The following NSD1 variants were observed in gnomAD, a reference collection of about 807,000 sequenced individuals.
The protein encoded by NSD1 is nuclear receptor binding SET domain protein 1.
NSD1 carries 26 observed loss-of-function variants against 242.7 expected under a neutral mutation model. The ratio of observed to expected loss-of-function variants is 0.11; its 90% CI spans 0.08 to 0.15. NSD1 has a LOEUF of 0.15. Among genes scored for constraint, NSD1 ranks in the 10% least tolerant of loss-of-function variants. NSD1 has a pLI of 1.00. For synonymous variants in NSD1, 1,106 were observed against 1,178.1 expected, an observed-to-expected ratio of 0.94 and a Z score of 1.25; for missense variants, 2,495 against 3,272.8, an observed-to-expected ratio of 0.76 and a Z score of 5.80.
intron 2 of NSD1, among the ~76,000 whole-genome samples, chr5:177,170,743 G>T (rs1562149515): frequency 1.3e-5 from 2 of 152,126 alleles, no homozygotes; most frequent in African/African-American, 4.8e-5. Context: ...TGTATTCACA[G>T]TGTTATATAA....
intron 5 of NSD1, among the ~76,000 whole-genome samples, chr5:177,220,563 CT>C (rs869220346): frequency 0.037 from 3,156 of 84,338 alleles, 13 homozygotes; most frequent in African/African-American, 0.086. Flanking sequence ...ATAGTAATTG[CT>C]TTTTTTTTTT....
At chr5:177,256,824 A>G (rs1049084455) in intron 12 of NSD1, 127 bp from the exon 13 acceptor site, 7 of 746,988 alleles carry the variant, frequency 9.4e-6, no homozygotes, top group Non-Finnish European at 1.4e-5. Flanking sequence ...TAAGATTGTT[A>G]CAGTGGGTTC....
At chr5:177,207,406 C>T (rs1762964275) in intron 4 of NSD1, among the ~76,000 whole-genome samples, 2 of 151,424 alleles carry the variant, frequency 1.3e-5, no homozygotes, top group African/African-American at 4.9e-5. Flanking sequence ...CCTCAGCCTC[C>T]CGAGTAGCTG....
Position 177,242,276 on chromosome 5 carries a change from A to G in NSD1, c.4303-1919A>G, listed in dbSNP as rs185420091. On this transcript the variant is annotated intron_variant, in intron 8 of 22. Coordinates refer to ENST00000439151, the MANE Select transcript of NSD1 (RefSeq NM_022455.5). Reference sequence around the variant, plus strand: ...CTAAATAAAATGATTGCTATTTTAAAAAAAATTACAGAAATGTATTTTGTG... The same window carrying G: ...CTAAATAAAATGATTGCTATTTTAAGAAAAATTACAGAAATGTATTTTGTG... Among the ~76,000 whole-genome samples, 297 of 152,250 alleles carry G rather than the reference A, an allele frequency of 2.0e-3. 1 individual carries two copies. The highest frequency in any genetic ancestry group is 7.0e-3 in the African/African-American group (293 of 41,566).
At chr5:177,261,137 C>T (rs1025805318) in intron 14 of NSD1, among the ~76,000 whole-genome samples, 40 of 152,110 alleles carry the variant, frequency 2.6e-4, no homozygotes, top group African/African-American at 9.4e-4. Context: ...CCTCTGCTGC[C>T]ACGCCACTCC....
intron 2 of NSD1, among the ~76,000 whole-genome samples, chr5:177,174,198 T>C (rs9313750): frequency 0.36 from 54,678 of 151,812 alleles, 13,141 homozygotes; most frequent in African/African-American, 0.68. Flanking sequence ...AACCCCGTCT[T>C]TATTAAAAAT....
At chr5:177,140,682 TAAA>T (rs927892072) in intron 2 of NSD1, among the ~76,000 whole-genome samples, 5 of 149,270 alleles carry the variant, frequency 3.3e-5, no homozygotes, top group African/African-American at 7.3e-5. Context: ...TTCTGTCTCT[TAAA>T]AAAAAAATGA....
At chr5:177,213,524 G>A (rs1237747760) in intron 5 of NSD1, among the ~76,000 whole-genome samples, 1 of 151,928 alleles carries the variant, frequency 6.6e-6, no homozygotes, top group African/African-American at 2.4e-5. Context: ...CTGGAGTGCC[G>A]TGGCGTGATC....
Position 177,212,203 on chromosome 5 carries a change from C to T in NSD1, c.3796+8C>T, listed in dbSNP as rs1479331415. The T allele has an allele frequency of 5.0e-6, 8 of 1,607,586 alleles. No individual in the cohort carries two copies. Among genetic ancestry groups the T allele is most frequent in the Middle Eastern group, 1.7e-4 (1 of 6,054 alleles). On this transcript the variant is annotated splice_region_variant and intron_variant, in intron 5 of 22. Transcript: ENST00000439151. ...CTGAGCTCCCTGAACCAGGTAAGGA[C>T]ATCTAAATGTGATAAAAAAAAAAAA...
intron 2 of NSD1, among the ~76,000 whole-genome samples, chr5:177,156,189 T>C (rs558356031): frequency 7.1e-6 from 1 of 141,452 alleles, no homozygotes; most frequent in East Asian, 2.1e-4. Context: ...TTTTTTTTTT[T>C]TTTTTTTTTT....
In NSD1 at chr5:177,280,693, C is replaced by G. The variant is rs374005927; in HGVS notation, c.5751C>G (p.Leu1917=). ...IDSECINRML[L]YECHPTVCPA... ...CTGAATGCATCAACCGCATGCTGCT[C>G]TATGAGTGCCACCCCACAGTGTGTC... The change falls in exon 18 of 23, where the codon CTC becomes CTG. Residue 1917 remains leucine, a synonymous_variant. Transcript: ENST00000439151. The G allele has an allele frequency of 3.5e-5, 56 of 1,614,114 alleles. No individual in the cohort carries two copies. The highest frequency in any genetic ancestry group is 4.7e-5 in the Non-Finnish European group (55 of 1,180,048).
chr5:177,261,298 TC>T (rs1380631167), intron 14 of NSD1, among the ~76,000 whole-genome samples: 1 of 146,704 alleles, frequency 6.8e-6, no homozygotes, highest in African/African-American at 2.5e-5. Flanking sequence ...CAGGCTGGTC[TC>T]TTAACTTCTG....
chr5:177,264,524 C>G (rs1053311023), intron 14 of NSD1, among the ~76,000 whole-genome samples: 8 of 152,152 alleles, frequency 5.3e-5, no homozygotes, highest in Non-Finnish European at 1.0e-4. Flanking sequence ...AATTGTTCTT[C>G]AGACTTGTTT....
chr5:177,249,447 T>TATTA (rs201808373), intron 11 of NSD1, among the ~76,000 whole-genome samples: 23 of 150,966 alleles, frequency 1.5e-4, no homozygotes, highest in Admixed American at 2.6e-4. Flanking sequence ...TTTTCTTTTT[T>TATTA]ATTAATTAAT....
At chr5:177,191,850 T>TTGA in intron 2 of NSD1, 34 bp from the exon 3 acceptor site, 2 of 1,610,354 alleles carry the variant, frequency 1.2e-6, no homozygotes, top group Middle Eastern at 1.7e-4. Flanking sequence ...ATATTTTGAT[T>TTGA]CTTATTGATG....
At position 177,210,587 on chromosome 5, in the gene NSD1, C is replaced by T. The variant is rs757144839; in HGVS notation, c.2188C>T (p.Leu730Phe). Residue 730 changes from leucine (L) to phenylalanine (F), a missense_variant, in exon 5 of 23, where the codon CTC becomes TTC. Transcript: ENST00000439151. ...TGGAACCGAGACGTCTCAGGTTAATCTCTCTGATCTGAAGGCATCTACTCT... is the reference window on the plus strand; with the variant it reads ...TGGAACCGAGACGTCTCAGGTTAATTTCTCTGATCTGAAGGCATCTACTCT... ...EPGTETSQVN[L>F]SDLKASTLVH... 46 of 1,613,986 alleles carry T rather than the reference C, an allele frequency of 2.9e-5. No homozygotes were observed. Among genetic ancestry groups the T allele is most frequent in the Non-Finnish European group, 1.9e-5 (22 of 1,180,026 alleles).
At chr5:177,165,605 C>T (rs1759121174) in intron 2 of NSD1, among the ~76,000 whole-genome samples, 1 of 151,374 alleles carries the variant, frequency 6.6e-6, no homozygotes, top group Admixed American at 6.6e-5. Flanking sequence ...TTTTCTTTCT[C>T]TTTTTGAGAC....
intron 2 of NSD1, among the ~76,000 whole-genome samples, chr5:177,145,281 ATTTT>A (rs371901937): frequency 2.2e-5 from 3 of 138,452 alleles, no homozygotes; most frequent in Non-Finnish European, 1.6e-5. Context: ...ATGTAACAAG[ATTTT>A]TTTTTTTTTT....
chr5:177,176,190 G>A (rs1017374588), intron 2 of NSD1, among the ~76,000 whole-genome samples: 1 of 152,016 alleles, frequency 6.6e-6, no homozygotes, highest in Non-Finnish European at 1.5e-5. Context: ...TGCAAAAATC[G>A]TAACATTTCA....
Sources: allele counts gnomAD v4.1 joint callset (sites outside exome capture counted in the v4.1 genomes callset), GRCh38; gene constraint gnomAD v4.1.1; transcripts MANE v1.5; gene names NCBI Gene and HGNC (gene_info 2026-07-23, HGNC 2026-07-21).